Variants in CNNM4 observed in about 807,000 individuals in gnomAD.
CNNM4 encodes metal transporter CNNM4.
In CNNM4, 32 loss-of-function variants were observed where a neutral mutation model predicts 53.7. That is an observed-to-expected ratio of 0.60 (90% CI 0.45 to 0.80). CNNM4 has a LOEUF of 0.80. CNNM4 is among the 30% of genes least tolerant of loss of function. The pLI is 0.00. For synonymous variants in CNNM4, 410 were observed against 440.0 expected (o/e 0.93, Z 0.85); for missense variants, 784 against 1,022.0 (o/e 0.77, Z 3.17).
At chr2:96,789,935 C>A (rs2079045771) in intron 1 of CNNM4, among the ~76,000 whole-genome samples, 1 of 111,606 alleles carries the variant, frequency 9.0e-6, no homozygotes, top group Admixed American at 1.1e-4. Context: ...TCGTGATCCA[C>A]CCACCCCCCG....
chr2:96,806,426 C>T (rs2678385), intron 5 of CNNM4, among the ~76,000 whole-genome samples: 35,139 of 151,208 alleles, frequency 0.23, 5,888 homozygotes, highest in South Asian at 0.69. Flanking sequence ...AAGACCTTAC[C>T]AGGTCCCTCT....
intron 5 of CNNM4, among the ~76,000 whole-genome samples, chr2:96,802,640 A>G (rs1053801643): frequency 6.6e-6 from 1 of 152,248 alleles, no homozygotes; most frequent in Non-Finnish European, 1.5e-5. Flanking sequence ...CATAAGAGTT[A>G]TCAGGAGAGT....
At chr2:96,770,570 C>CT (rs1234900261) in intron 1 of CNNM4, among the ~76,000 whole-genome samples, 5 of 152,228 alleles carry the variant, frequency 3.3e-5, no homozygotes, top group African/African-American at 1.2e-4. Context: ...TTCGCAGCAG[C>CT]TTTGGGGGTG....
Position 96,774,747 on chromosome 2 carries a change from T to C in CNNM4, c.1402+12346T>C, listed in dbSNP as rs553067835. On this transcript the variant is annotated intron_variant, in intron 1 of 6. Coordinates refer to ENST00000377075, the MANE Select transcript of CNNM4 (RefSeq NM_020184.4). ...GAGAGGCCAGGGCGAGTGGATCACCTGAGGTTAGGAGTTCGAGACCAGCCT... is the reference window on the plus strand; with the variant it reads ...GAGAGGCCAGGGCGAGTGGATCACCCGAGGTTAGGAGTTCGAGACCAGCCT... 1.5e-4 allele frequency among the ~76,000 whole-genome samples: 23 copies of C among 152,164 alleles called. 3 individuals are homozygous for C. The South Asian group carries it at 1.7e-3, about 11-fold the overall frequency.
chr2:96,770,762 C>T (rs1313220393), intron 1 of CNNM4, among the ~76,000 whole-genome samples: 1 of 152,234 alleles, frequency 6.6e-6, no homozygotes, highest in East Asian at 1.9e-4. Context: ...CCTCCAGTCT[C>T]CTTGAGGGCA....
At chr2:96,769,660 G>A (rs970217375) in intron 1 of CNNM4, among the ~76,000 whole-genome samples, 21 of 152,038 alleles carry the variant, frequency 1.4e-4, no homozygotes, top group African/African-American at 4.3e-4. Flanking sequence ...TGATGGAGAC[G>A]AAGAGAACCA....
At chr2:96,766,062 G>T (rs975184426) in intron 1 of CNNM4, among the ~76,000 whole-genome samples, 5 of 148,452 alleles carry the variant, frequency 3.4e-5, no homozygotes, top group Non-Finnish European at 5.9e-5. Context: ...GGGATTACAG[G>T]TGTGAGCCAC....
At position 96,801,930 on chromosome 2, in the gene CNNM4, CACAA is replaced by C. The variant is rs1194928272; in HGVS notation, c.1948+2286_1948+2289del. On this transcript the variant is annotated intron_variant, in intron 5 of 6. Coordinates refer to ENST00000377075, the MANE Select transcript of CNNM4 (RefSeq NM_020184.4). The surrounding 1 kb of genome is among the most constrained non-coding windows in gnomAD (Gnocchi z 5.6). ...CACATAGATACACCACTCATAGACA[CACAA>C]ACACACACCCATAGGCACACACCCA... Among the ~76,000 whole-genome samples, 3 of 151,296 alleles carry C rather than the reference CACAA, an allele frequency of 2.0e-5. No individual in the cohort carries two copies. Among genetic ancestry groups the C allele is most frequent in the Admixed American group, 6.6e-5 (1 of 15,188 alleles).
At position 96,797,792 on chromosome 2, in the gene CNNM4, G is replaced by A. The variant is rs7582249; in HGVS notation, c.1681+145G>A. On this transcript the variant is annotated intron_variant, in intron 3 of 6. Transcript: ENST00000377075. The surrounding 1 kb of genome is among the most constrained non-coding windows in gnomAD (Gnocchi z 6.0). Reference sequence around the variant, plus strand: ...AACACAGCCACCCCTGGAAGGGGCCGGGTATCTGCTCCACCCCTGGGGATC... The same window carrying A: ...AACACAGCCACCCCTGGAAGGGGCCAGGTATCTGCTCCACCCCTGGGGATC... The A allele has an allele frequency of 0.39, 425,662 of 1,096,152 alleles. 87,970 individuals are homozygous for A. Among genetic ancestry groups the A allele is most frequent in the African/African-American group, 0.65 (41,811 of 64,418 alleles). The allele number at this position is 1,096,152 out of a possible 1,614,324, so 67.9% of individuals were successfully genotyped here.
In CNNM4 at chr2:96,761,942, C is replaced by T. The variant is rs1445089135; in HGVS notation, c.943C>T (p.Pro315Ser). The change falls in exon 1 of 7, where the codon CCC (proline) becomes TCC (serine). Residue 315 changes from proline (P) to serine (S), a missense_variant. Pro to Ser is a moderately conservative substitution (Grantham distance 74). Transcript: ENST00000377075. The surrounding 1 kb of genome is among the most constrained non-coding windows in gnomAD (Gnocchi z 6.0). The part of the protein sequence containing the change: ...LTKFFMLLTF[P>S]LSFPISKLLD... ...CAAATTCTTTATGCTACTCACCTTC[C>T]CCCTCAGTTTTCCCATTAGCAAGCT... 1.2e-6 allele frequency: 2 copies of T among 1,614,068 alleles called. No individual in the cohort carries two copies. Among genetic ancestry groups the T allele is most frequent in the African/African-American group, 2.7e-5 (2 of 74,928 alleles).
chr2:96,778,743 G>A (rs1362508750), intron 1 of CNNM4, among the ~76,000 whole-genome samples: 1 of 151,488 alleles, frequency 6.6e-6, no homozygotes, highest in Non-Finnish European at 1.5e-5. Flanking sequence ...CATGCCACTT[G>A]TCCCAGTTAA....
intron 3 of CNNM4, among the ~76,000 whole-genome samples, chr2:96,798,849 CCAGG>C (rs946531528): frequency 6.6e-6 from 1 of 152,168 alleles, no homozygotes; most frequent in East Asian, 1.9e-4. Context: ...CTGTTCAAGC[CCAGG>C]CAGGCAGGCA....
rs2079229774 is a variant in CNNM4, at chr2:96,808,663, A to G, written c.2051A>G (p.Asn684Ser). 6 of 1,614,180 alleles carry G rather than the reference A, an allele frequency of 3.7e-6. No homozygotes were observed. Among genetic ancestry groups the G allele is most frequent in the Non-Finnish European group, 5.1e-6 (6 of 1,180,018 alleles). Reference sequence around the variant, plus strand: ...GCAGCAACCTTGGCAGGCAGCAGCAACCAGTTTGGCAGCTCTGTCCTGGGC... The same window carrying G: ...GCAGCAACCTTGGCAGGCAGCAGCAGCCAGTTTGGCAGCTCTGTCCTGGGC... ...STAATLAGSS[N>S]QFGSSVLGQY... Residue 684 changes from asparagine (N) to serine (S), a missense_variant, in exon 6 of 7, where the codon AAC (asparagine) becomes AGC (serine). Coordinates refer to ENST00000377075, the MANE Select transcript of CNNM4 (RefSeq NM_020184.4). This position sits in a 1 kb window ranked among gnomAD's most constrained non-coding sequence, Gnocchi z 4.9.
In CNNM4 at chr2:96,761,561, C is replaced by T. The variant is rs1268601646; in HGVS notation, c.562C>T (p.Leu188=). ...CCTGCCTCTCTGGCTGCACATTCTCCTAATTACGGTGCTGCTGGTGCTGTC... is the reference window on the plus strand; with the variant it reads ...CCTGCCTCTCTGGCTGCACATTCTCTTAATTACGGTGCTGCTGGTGCTGTC... ...RFLPLWLHIL[L]ITVLLVLSGI... Residue 188 remains leucine, a synonymous_variant, in exon 1 of 7, where the codon CTA becomes TTA. Coordinates refer to ENST00000377075, the MANE Select transcript of CNNM4 (RefSeq NM_020184.4). The surrounding 1 kb of genome is among the most constrained non-coding windows in gnomAD (Gnocchi z 6.0). 2 of 1,614,094 alleles carry T rather than the reference C, an allele frequency of 1.2e-6. No individual in the cohort carries two copies. The highest frequency in any genetic ancestry group is 1.7e-6 in the Non-Finnish European group (2 of 1,179,976).
chr2:96,790,214 G>C (rs1240022502), intron 1 of CNNM4, among the ~76,000 whole-genome samples: 1 of 150,398 alleles, frequency 6.6e-6, no homozygotes, highest in East Asian at 2.0e-4. Flanking sequence ...CACCGTGTTA[G>C]CCAGGATGGT....
chr2:96,783,248 A>C (rs1321429018), intron 1 of CNNM4, among the ~76,000 whole-genome samples: 1 of 152,202 alleles, frequency 6.6e-6, no homozygotes, highest in Non-Finnish European at 1.5e-5. Flanking sequence ...GGCAGGGGCG[A>C]GATGGCTGTG....
chr2:96,775,169 T>TGCCACTGA (rs1048530245), intron 1 of CNNM4, among the ~76,000 whole-genome samples: 6 of 151,870 alleles, frequency 4.0e-5, no homozygotes, highest in Non-Finnish European at 8.8e-5. Flanking sequence ...CACCCCTAAC[T>TGCCACTGA]GCCACTGAGC....
intron 1 of CNNM4, among the ~76,000 whole-genome samples, chr2:96,763,856 C>T (rs1385004384): frequency 8.5e-6 from 1 of 117,550 alleles, no homozygotes; most frequent in African/African-American, 3.2e-5. Flanking sequence ...AGACAGACCC[C>T]TAGTGGTGAA....
chr2:96,808,999 C>CA lies in CNNM4; in HGVS notation c.2130+257_2130+258insA, dbSNP rs1375661301. ...GGGACTACAGGTGTGCATGTGGCTT[C>CA]GGGTTTTTTTTTTTTTTCCCCTTAT... On this transcript the variant is annotated intron_variant, in intron 6 of 6. Transcript: ENST00000377075. The surrounding 1 kb of genome is among the most constrained non-coding windows in gnomAD (Gnocchi z 4.9). 1.4e-4 allele frequency among the ~76,000 whole-genome samples: 20 copies of CA among 144,354 alleles called. No homozygotes were observed. The highest frequency in any genetic ancestry group is 5.0e-4 in the African/African-American group (18 of 35,678). 94.7% of individuals were successfully genotyped at this position (144,354 alleles called of 152,430 possible).
Sources: gnomAD v4.1 joint callset for allele counts (sites outside exome capture counted in the v4.1 genomes callset) on GRCh38, gnomAD v4.1.1 for gene constraint, Gnocchi (gnomAD v3.1) non-coding constraint, MANE v1.5 for transcripts, NCBI Gene and HGNC (gene_info 2026-07-23, HGNC 2026-07-21) for gene names.